The following SAMMSON variants were observed in gnomAD, a reference collection of about 807,000 sequenced individuals.
SAMMSON encodes the protein survival associated mitochondrial melanoma specific oncogenic non-coding RNA.
intron 2 of SAMMSON, among the ~76,000 whole-genome samples, chr3:70,399,821 G>A (rs564070325): frequency 6.7e-6 from 1 of 148,394 alleles, no homozygotes; most frequent in South Asian, 2.1e-4. Flanking sequence ...GTTGCAGTGA[G>A]CTGAAATCTC....
At chr3:70,052,070 C>T (rs941992638) in intron 3 of SAMMSON, among the ~76,000 whole-genome samples, 7 of 151,844 alleles carry the variant, frequency 4.6e-5, no homozygotes, top group African/African-American at 1.7e-4. Flanking sequence ...TGCATGCCAG[C>T]CTGGGCAATA....
At chr3:70,167,274 A>G (rs527937022) in intron 4 of SAMMSON, among the ~76,000 whole-genome samples, 1 of 152,006 alleles carries the variant, frequency 6.6e-6, no homozygotes, top group Non-Finnish European at 1.5e-5. Context: ...AAATAAGTAG[A>G]TTGGTAGAAA....
intron 4 of SAMMSON, among the ~76,000 whole-genome samples, chr3:70,180,033 C>T (rs748727813): frequency 5.7e-4 from 83 of 146,826 alleles, no homozygotes; most frequent in Non-Finnish European, 1.0e-3. Context: ...TGTGTGCGCG[C>T]ACGTGTGTGT....
chr3:70,395,922 C>T (rs543704422), intron 2 of SAMMSON, among the ~76,000 whole-genome samples: 1 of 152,128 alleles, frequency 6.6e-6, no homozygotes, highest in Non-Finnish European at 1.5e-5. Context: ...GCTCATCCAA[C>T]CCTTCCTATG....
intron 2 of SAMMSON, among the ~76,000 whole-genome samples, chr3:70,428,274 C>T (rs1023518174): frequency 2.0e-5 from 3 of 151,998 alleles, no homozygotes; most frequent in South Asian, 2.1e-4. Context: ...GAAATGCAAA[C>T]GGCCTAGAAT....
intron 7 of SAMMSON, among the ~76,000 whole-genome samples, chr3:70,333,152 C>A (rs1702634786): frequency 6.6e-6 from 1 of 151,810 alleles, no homozygotes; most frequent in African/African-American, 2.4e-5. Context: ...TCCAATATTG[C>A]CGGACTACTA....
chr3:70,287,506 G>C (rs1355300249), intron 6 of SAMMSON, among the ~76,000 whole-genome samples: 1 of 151,866 alleles, frequency 6.6e-6, no homozygotes, highest in Non-Finnish European at 1.5e-5. Context: ...TAAGGATATT[G>C]GTCTAAAATT....
intron 9 of SAMMSON, among the ~76,000 whole-genome samples, chr3:70,387,696 A>G (rs1057323778): frequency 1.3e-5 from 2 of 152,132 alleles, no homozygotes; most frequent in Non-Finnish European, 2.9e-5. Context: ...AGAGAACTTC[A>G]AAATAGCAAT....
chr3:70,050,055 T>C (rs1333772186), intron 3 of SAMMSON, among the ~76,000 whole-genome samples: 4 of 151,920 alleles, frequency 2.6e-5, no homozygotes, highest in Non-Finnish European at 5.9e-5. Context: ...AAATTCACAA[T>C]TGGAAGGAGG....
intron 9 of SAMMSON, among the ~76,000 whole-genome samples, chr3:70,383,910 A>G (rs1365225518): frequency 6.6e-6 from 1 of 151,996 alleles, no homozygotes; most frequent in Non-Finnish European, 1.5e-5. Context: ...ACCTCTAACA[A>G]TTTGTTTTTC....
intron 4 of SAMMSON, among the ~76,000 whole-genome samples, chr3:70,146,520 A>G (rs751292215): frequency 3.9e-5 from 6 of 152,052 alleles, no homozygotes; most frequent in Non-Finnish European, 5.9e-5. Context: ...TTAAAAGTCA[A>G]TCAATGTAAT....
chr3:70,383,357 A>AC (rs1703090164), intron 9 of SAMMSON, among the ~76,000 whole-genome samples: 2 of 151,562 alleles, frequency 1.3e-5, no homozygotes, highest in South Asian at 2.1e-4. Context: ...TAAAAAAAAA[A>AC]AACAACCTTA....
intron 4 of SAMMSON, among the ~76,000 whole-genome samples, chr3:70,124,564 G>A (rs1042592326): frequency 6.6e-6 from 1 of 152,074 alleles, no homozygotes; most frequent in Non-Finnish European, 1.5e-5. Context: ...TGTAATCCCA[G>A]CACTTTGGGA....
chr3:70,246,749 G>A (rs1685161345), intron 4 of SAMMSON, among the ~76,000 whole-genome samples: 1 of 152,060 alleles, frequency 6.6e-6, no homozygotes, highest in African/African-American at 2.4e-5. Context: ...AAGACTTTGT[G>A]TATTCTTTAT....
chr3:70,212,798 C>CT (rs140353742), intron 4 of SAMMSON, among the ~76,000 whole-genome samples: 16,471 of 151,804 alleles, frequency 0.11, 1,338 homozygotes, highest in African/African-American at 0.22. Flanking sequence ...TTTTCTCTCT[C>CT]TTTTTTTGAG....
At chr3:70,355,488 CA>C (rs1291276861) in intron 8 of SAMMSON, among the ~76,000 whole-genome samples, 21 of 151,536 alleles carry the variant, frequency 1.4e-4, no homozygotes. Context: ...AACCAGAGAT[CA>C]AAAGAGAGCT....
chr3:70,205,266 A>T (rs540047545), intron 4 of SAMMSON: 1 of 152,192 alleles, frequency 6.6e-6, no homozygotes, highest in South Asian at 2.1e-4. Context: ...TACTGTGTCG[A>T]GGTAGTGACA....
At chr3:70,427,467 C>T (rs1330518966) in intron 2 of SAMMSON, among the ~76,000 whole-genome samples, 3 of 152,068 alleles carry the variant, frequency 2.0e-5, no homozygotes, top group East Asian at 1.9e-4. Flanking sequence ...GGGCCGGGCG[C>T]GGTGGCTCAC....
In SAMMSON at chr3:70,125,522, A is replaced by G. The variant is rs1358110821; in HGVS notation, n.507+53957A>G. 3.0e-5 allele frequency: 21 copies of G among 700,668 alleles called. No homozygotes were observed. The South Asian group carries it at 3.3e-4, about 11-fold the overall frequency. 43.4% of individuals were successfully genotyped at this position (700,668 alleles called of 1,614,324 possible). A position where few individuals can be genotyped will look rare whatever the true frequency, so the allele number is the denominator to read the frequency against. On this transcript the variant is annotated intron_variant and non_coding_transcript_variant, in intron 4 of 9. Transcript: ENST00000642114. ...TGTGATGTTCAAATTAGGTTTGGGA[A>G]AGATTTTTCCAAATCCTATACTGGA...
Sources: allele counts gnomAD v4.1 joint callset (sites outside exome capture counted in the v4.1 genomes callset), GRCh38; gene constraint gnomAD v4.1.1; transcripts MANE v1.5; gene names NCBI Gene and HGNC (gene_info 2026-07-23, HGNC 2026-07-21).